Variants in DPP4 observed in about 807,000 individuals in gnomAD.
The protein encoded by DPP4 is ADCP-2.
In DPP4, 93 loss-of-function variants were observed where a neutral mutation model predicts 122.4. That is an observed-to-expected ratio of 0.76 (90% CI 0.64 to 0.90). DPP4 has a LOEUF of 0.90. Ranked by LOEUF, DPP4 falls within the 40% of genes least tolerant of loss-of-function variation. The pLI is 0.00. For missense variants in DPP4, 914 were observed against 907.3 expected, an observed-to-expected ratio of 1.01 and a Z score of -0.09; for synonymous variants, 321 against 302.9, an observed-to-expected ratio of 1.06 and a Z score of -0.62.
At chr2:162,055,841 A>T (rs1348309451) in intron 2 of DPP4, among the ~76,000 whole-genome samples, 1 of 152,232 alleles carries the variant, frequency 6.6e-6, no homozygotes, top group Non-Finnish European at 1.5e-5. Flanking sequence ...CATTTCCTAG[A>T]ATAGCAACAC....
At chr2:162,038,694 G>A (rs1260433077) in intron 7 of DPP4, among the ~76,000 whole-genome samples, 2 of 152,106 alleles carry the variant, frequency 1.3e-5, no homozygotes, top group Admixed American at 6.6e-5. Context: ...TGAGAAGACC[G>A]AGAAGGCTGA....
chr2:162,005,203 A>T (rs1008855011), intron 23 of DPP4, among the ~76,000 whole-genome samples: 1 of 152,186 alleles, frequency 6.6e-6, no homozygotes, highest in African/African-American at 2.4e-5. Context: ...TGGTTCTTCC[A>T]TCAGGCAACC....
intron 18 of DPP4, among the ~76,000 whole-genome samples, chr2:162,016,059 C>A (rs181105175): frequency 6.6e-6 from 1 of 152,290 alleles, no homozygotes; most frequent in African/African-American, 2.4e-5. Context: ...CTATACTTTC[C>A]TGTGCTTTTC....
intron 2 of DPP4, among the ~76,000 whole-genome samples, chr2:162,064,514 T>G (rs1684888266): frequency 6.6e-6 from 1 of 152,220 alleles, no homozygotes. Flanking sequence ...AGTCCTACTT[T>G]CCTGGGTTAA....
chr2:162,039,274 A>G, intron 5 of DPP4, 90 bp from the exon 6 acceptor site: 1 of 1,035,442 alleles, frequency 9.7e-7, no homozygotes, highest in Non-Finnish European at 1.5e-6. Flanking sequence ...GTTTGGTAAT[A>G]TATGATTGTA....
chr2:162,033,247 T>C (rs990954471), intron 10 of DPP4, among the ~76,000 whole-genome samples: 2 of 152,322 alleles, frequency 1.3e-5, no homozygotes, highest in East Asian at 3.9e-4. Flanking sequence ...CTACCTGGCA[T>C]ATTACACTGC....
At chr2:162,025,410 A>G (rs1683290355) in intron 10 of DPP4, among the ~76,000 whole-genome samples, 1 of 152,154 alleles carries the variant, frequency 6.6e-6, no homozygotes, top group African/African-American at 2.4e-5. Context: ...CCCTTTTCTC[A>G]ACTTCATTTT....
chr2:162,014,035 T>C (rs1212180090), intron 19 of DPP4, among the ~76,000 whole-genome samples: 6 of 152,078 alleles, frequency 3.9e-5, no homozygotes, highest in African/African-American at 1.4e-4. Flanking sequence ...CAGTGGGAGC[T>C]GGGGTAAGGG....
At chr2:162,002,515 A>G (rs983465034) in intron 23 of DPP4, among the ~76,000 whole-genome samples, 1 of 152,212 alleles carries the variant, frequency 6.6e-6, no homozygotes, top group Admixed American at 6.5e-5. Flanking sequence ...AGTGTACTGA[A>G]AAGAGTCACT....
chr2:162,013,314 C>T (rs781068672), intron 19 of DPP4, among the ~76,000 whole-genome samples: 5 of 152,048 alleles, frequency 3.3e-5, no homozygotes, highest in South Asian at 4.2e-4. Context: ...GCATTGGAGC[C>T]GAAGCCTAAA....
chr2:162,017,104 A>G lies in DPP4; in HGVS notation c.1468+4T>C. On this transcript the variant is annotated splice_donor_region_variant and intron_variant, in intron 17 of 25. Transcript: ENST00000360534. ...CAAATGAAGAGTAAAATATGAGAAAATACCTTTATCATTCACGCTGCTGTG... is the reference window on the plus strand; with the variant it reads ...CAAATGAAGAGTAAAATATGAGAAAGTACCTTTATCATTCACGCTGCTGTG... 1 of 1,611,330 alleles carries G rather than the reference A, an allele frequency of 6.2e-7. No individual in the cohort carries two copies. The highest frequency in any genetic ancestry group is 8.5e-7 in the Non-Finnish European group (1 of 1,179,028).
chr2:162,052,013 G>T (rs1015617848), intron 2 of DPP4, among the ~76,000 whole-genome samples: 3 of 152,086 alleles, frequency 2.0e-5, no homozygotes, highest in African/African-American at 7.2e-5. Context: ...GAAGTGGTTA[G>T]TGCTTCATAA....
At chr2:162,042,019 T>G (rs1684005170) in intron 5 of DPP4, among the ~76,000 whole-genome samples, 1 of 152,114 alleles carries the variant, frequency 6.6e-6, no homozygotes, top group Non-Finnish European at 1.5e-5. Context: ...AGATGATTCT[T>G]TGGCTGAGGT....
chr2:161,998,355 C>T (rs937361084), intron 23 of DPP4, among the ~76,000 whole-genome samples: 21 of 152,316 alleles, frequency 1.4e-4, no homozygotes, highest in African/African-American at 5.1e-4. Context: ...ATCCTTTCCA[C>T]TAGCCATGCT....
At chr2:162,030,042 A>T (rs1259718761) in intron 10 of DPP4, among the ~76,000 whole-genome samples, 3 of 152,196 alleles carry the variant, frequency 2.0e-5, no homozygotes, top group Non-Finnish European at 4.4e-5. Flanking sequence ...ACCCTACTAC[A>T]CACTGGAGAT....
intron 8 of DPP4, 77 bp from the exon 9 acceptor site, chr2:162,035,401 T>C (rs1229702535): frequency 2.2e-6 from 3 of 1,372,110 alleles, no homozygotes; most frequent in Middle Eastern, 2.0e-4. Context: ...ATTGTTCTCA[T>C]TAGCTTTAGT....
At chr2:162,038,477 C>A in intron 7 of DPP4, 55 bp from the exon 8 acceptor site, 1 of 1,534,486 alleles carries the variant, frequency 6.5e-7, no homozygotes, top group Non-Finnish European at 8.8e-7. Flanking sequence ...TATTTTTATC[C>A]CGGAATTGTA....
chr2:162,002,787 T>C (rs1701184000), intron 23 of DPP4, among the ~76,000 whole-genome samples: 1 of 152,078 alleles, frequency 6.6e-6, no homozygotes, highest in Admixed American at 6.6e-5. Flanking sequence ...ATAGAATCTT[T>C]GAATGTATTC....
Position 162,011,890 on chromosome 2 carries a change from C to G in DPP4, c.1735G>C (p.Asp579His). 1 of 1,613,804 alleles carries G rather than the reference C, an allele frequency of 6.2e-7. No individual in the cohort carries two copies. Among genetic ancestry groups the G allele is most frequent in the Non-Finnish European group, 8.5e-7 (1 of 1,179,798 alleles). The part of the protein sequence containing the change: ...STENIIVASF[D>H]GRGSGYQGDK... ...CCTTGGTAACCACTTCCTCTGCCAT[C>G]AAAGCTAGCTACTATAATGTTTTCT... The change falls in exon 20 of 26, where the codon GAT becomes CAT. Residue 579 changes from aspartate to histidine, a missense_variant. Transcript: ENST00000360534.
Sources: allele counts gnomAD v4.1 joint callset (sites outside exome capture counted in the v4.1 genomes callset), GRCh38; gene constraint gnomAD v4.1.1; transcripts MANE v1.5; gene names NCBI Gene and HGNC (gene_info 2026-07-23, HGNC 2026-07-21).